The following TBL1X variants were observed in gnomAD, a reference collection of about 807,000 sequenced individuals.
The protein encoded by TBL1X is transducin beta like 1 X-linked.
In TBL1X, 10 loss-of-function variants were observed where a neutral mutation model predicts 50.7. The observed-to-expected ratio is 0.20, with a 90% CI of 0.12 to 0.33. The LOEUF is 0.33. TBL1X is among the 10% of genes least tolerant of loss of function. The pLI is 1.00. For missense variants in TBL1X, 340 were observed against 504.4 expected (o/e 0.67, Z 3.12); for synonymous variants, 190 against 214.7 (o/e 0.88, Z 1.01).
intron 12 of TBL1X, among the ~76,000 whole-genome samples, chrX:9,699,372 G>C (rs1258155144): frequency 8.9e-6 from 1 of 112,122 alleles, no homozygotes; most frequent in Non-Finnish European, 1.9e-5. Flanking sequence ...CTTTAGACTG[G>C]CTTAAAGTGG....
intron 2 of TBL1X, among the ~76,000 whole-genome samples, chrX:9,532,674 T>C (rs1443217786): frequency 9.0e-6 from 1 of 111,119 alleles, no homozygotes; most frequent in African/African-American, 3.3e-5. Flanking sequence ...GCAGGGTTGG[T>C]TCCTCCCTAG....
At chrX:9,514,529 G>GT (rs1273942801) in intron 2 of TBL1X, among the ~76,000 whole-genome samples, 1 of 112,162 alleles carries the variant, frequency 8.9e-6, no homozygotes, top group Non-Finnish European at 1.9e-5. Context: ...GGGTTCCCCA[G>GT]TAACAGAGAC....
In TBL1X at chrX:9,714,908, A is replaced by G. The variant is rs144881399; in HGVS notation, c.1612A>G (p.Asn538Asp). The change falls in exon 17 of 18, where the codon AAT (asparagine) becomes GAT (aspartate). Residue 538 changes from asparagine to aspartate, a missense_variant. Around this residue, in one of 6 missense-constraint regions of TBL1X, gnomAD observed 170 missense variants for 272.6 expected, o/e 0.62. Transcript: ENST00000645353. ...CVHIWNTQSG[N>D]LVHSYRGTGG... ...CAGCTGCTTTGCTTTGCAGAGTGGA[A>G]ATCTTGTCCACAGCTACCGAGGCAC... The G allele has an allele frequency of 9.9e-6, 12 of 1,209,731 alleles. No homozygotes were observed. In the African/African-American group the frequency reaches 1.6e-4, roughly 16 times the overall value.
At chrX:9,686,332 C>T (rs921045461) in intron 6 of TBL1X, among the ~76,000 whole-genome samples, 3 of 112,022 alleles carry the variant, frequency 2.7e-5, no homozygotes, top group Non-Finnish European at 5.6e-5. Context: ...TGCCTTCCCT[C>T]GGCACTCCAG....
At chrX:9,581,282 T>A (rs1272436945) in intron 2 of TBL1X, among the ~76,000 whole-genome samples, 1 of 112,087 alleles carries the variant, frequency 8.9e-6, no homozygotes, top group Non-Finnish European at 1.9e-5. Context: ...CTTGCATGCT[T>A]CCATATCTAT....
chrX:9,687,068 A>G (rs1257510875), intron 6 of TBL1X, among the ~76,000 whole-genome samples: 2 of 112,549 alleles, frequency 1.8e-5, no homozygotes, highest in Admixed American at 9.4e-5. Flanking sequence ...CAGAGCATAT[A>G]AACATGTGTT....
intron 2 of TBL1X, among the ~76,000 whole-genome samples, chrX:9,616,255 G>A (rs1379435031): frequency 8.9e-6 from 1 of 111,960 alleles, no homozygotes; most frequent in African/African-American, 3.3e-5. Flanking sequence ...ATTTTTAAAT[G>A]GTATTATATT....
intron 5 of TBL1X, among the ~76,000 whole-genome samples, chrX:9,671,600 G>A (rs189733498): frequency 1.3e-3 from 142 of 112,790 alleles, no homozygotes; most frequent in Non-Finnish European, 1.8e-3. Context: ...GCTGGAGAAC[G>A]TGATACCCAG....
intron 2 of TBL1X, among the ~76,000 whole-genome samples, chrX:9,503,608 A>G (rs748317799): frequency 8.8e-6 from 1 of 113,373 alleles, no homozygotes; most frequent in East Asian, 2.8e-4. Flanking sequence ...GAGGCTGGAC[A>G]GCTTGGTCCC....
At chrX:9,608,598 A>G (rs748415514) in intron 2 of TBL1X, among the ~76,000 whole-genome samples, 1 of 112,072 alleles carries the variant, frequency 8.9e-6, no homozygotes, top group African/African-American at 3.2e-5. Context: ...TATAGAATCT[A>G]TCTAGGATTT....
rs752103477 is a variant in TBL1X at position 9,711,670 on chromosome X, C to T, written c.1499C>T (p.Thr500Met). 59 of 1,208,877 alleles carry T rather than the reference C, an allele frequency of 4.9e-5. No homozygotes were observed. The Admixed American group carries it at 9.6e-4, about 20-fold the overall frequency. The stretch of plus-strand genomic sequence containing the variant: ...ATAGAACGAGGCGTCTGCACCCACA[C>T]GCTCACGAAGCATCAGGAGCCTGTC... Reference protein sequence around the residue: ...WDIERGVCTHTLTKHQEPVYS... With the variant: ...WDIERGVCTHMLTKHQEPVYS... Residue 500 changes from threonine (T) to methionine (M), a missense_variant, in exon 16 of 18, where the codon ACG becomes ATG. By Grantham distance (81) the Thr-to-Met change is moderately conservative. This residue lies in a region of TBL1X where 170 missense variants were observed against 272.6 expected (regional missense o/e 0.62). Coordinates refer to ENST00000645353, the MANE Select transcript of TBL1X (RefSeq NM_005647.4).
At chrX:9,598,432 T>C (rs1278280825) in intron 2 of TBL1X, among the ~76,000 whole-genome samples, 1 of 111,805 alleles carries the variant, frequency 8.9e-6, no homozygotes, top group Non-Finnish European at 1.9e-5. Context: ...TCTGAAACCT[T>C]GAGGAATCTC....
At chrX:9,523,483 A>G (rs2082116567) in intron 2 of TBL1X, among the ~76,000 whole-genome samples, 1 of 111,457 alleles carries the variant, frequency 9.0e-6, no homozygotes, top group African/African-American at 3.3e-5. Context: ...CGCCACTCAC[A>G]CTGGGTCATG....
At chrX:9,670,140 G>T (rs1412469685) in intron 5 of TBL1X, among the ~76,000 whole-genome samples, 1 of 111,472 alleles carries the variant, frequency 9.0e-6, no homozygotes, top group African/African-American at 3.3e-5. Context: ...CATTATGCCG[G>T]CAGTCAAGAT....
upstream of TBL1X, among the ~76,000 whole-genome samples, chrX:9,464,556 C>T (rs2081757115): frequency 1.8e-5 from 2 of 109,474 alleles, no homozygotes; most frequent in Admixed American, 1.9e-4. Flanking sequence ...AGCCGGGTGG[C>T]TTCCTTTTTG....
chrX:9,553,959 C>T lies in TBL1X; in HGVS notation c.-131+52110C>T, dbSNP rs1230504889. On this transcript the variant is annotated intron_variant, in intron 2 of 17. Transcript: ENST00000645353. Reference sequence around the variant, plus strand: ...TGTTTTTGAGACTAGGTGTCACTGTCACCTCAACCTCCCCAAGCTCAGGCG... The same window carrying T: ...TGTTTTTGAGACTAGGTGTCACTGTTACCTCAACCTCCCCAAGCTCAGGCG... 3.6e-5 allele frequency among the ~76,000 whole-genome samples: 4 copies of T among 111,796 alleles called. No individual in the cohort carries two copies. In the East Asian group the frequency reaches 1.1e-3, roughly 31 times the overall value.
chrX:9,510,115 TCA>T (rs1477727655), intron 2 of TBL1X, among the ~76,000 whole-genome samples: 41 of 111,070 alleles, frequency 3.7e-4, no homozygotes, highest in African/African-American at 1.3e-3. Flanking sequence ...AGTTTGGTTG[TCA>T]CAGCTGATGG....
intron 2 of TBL1X, among the ~76,000 whole-genome samples, chrX:9,550,646 G>A (rs2082266493): frequency 8.9e-6 from 1 of 112,037 alleles, no homozygotes; most frequent in African/African-American, 3.2e-5. Context: ...AAAATGTGGG[G>A]TACCCTTTAT....
chrX:9,544,706 G>C (rs2082232775), intron 2 of TBL1X, among the ~76,000 whole-genome samples: 1 of 110,673 alleles, frequency 9.0e-6, no homozygotes, highest in African/African-American at 3.3e-5. Context: ...GGGATTATAG[G>C]CATGCACCAC....
Sources: allele counts gnomAD v4.1 joint callset (sites outside exome capture counted in the v4.1 genomes callset), GRCh38; gene constraint gnomAD v4.1.1; regional missense constraint gnomAD v4.1.1; transcripts MANE v1.5; gene names NCBI Gene and HGNC (gene_info 2026-07-23, HGNC 2026-07-21).